Variants in GRIA3 observed in about 807,000 individuals in gnomAD.
The protein encoded by GRIA3 is glutamate ionotropic receptor AMPA type subunit 3, also known as glutamate receptor 3.
A neutral mutation model predicts 63.0 loss-of-function variants in GRIA3; 3 were observed. That is an observed-to-expected ratio of 0.05 (90% confidence interval 0.02 to 0.12). The LOEUF is 0.12. Among genes scored for constraint, GRIA3 ranks in the 10% least tolerant of loss-of-function variants. GRIA3 has a pLI of 1.00. For synonymous variants in GRIA3, 274 were observed against 257.9 expected, an observed-to-expected ratio of 1.06 and a Z score of -0.60; for missense variants, 347 against 700.9, an observed-to-expected ratio of 0.50 and a Z score of 5.70.
At chrX:123,336,670 A>G (rs915833521) in intron 4 of GRIA3, among the ~76,000 whole-genome samples, 12 of 111,105 alleles carry the variant, frequency 1.1e-4, no homozygotes, top group African/African-American at 3.6e-4. Context: ...CCACCACCCT[A>G]CTCTGAAAAA....
chrX:123,368,881 A>G (rs965759395), intron 5 of GRIA3, among the ~76,000 whole-genome samples: 7 of 111,837 alleles, frequency 6.3e-5, no homozygotes, highest in African/African-American at 2.3e-4. Context: ...TTCATATAAT[A>G]GCCATCTCTA....
chrX:123,230,399 G>T (rs779808213), intron 2 of GRIA3, among the ~76,000 whole-genome samples: 3 of 111,416 alleles, frequency 2.7e-5, no homozygotes, highest in South Asian at 3.8e-4. Flanking sequence ...AAGTGTTAAC[G>T]ATCACTAATA....
chrX:123,394,474 G>A (rs1422389018), intron 5 of GRIA3, among the ~76,000 whole-genome samples: 1 of 111,814 alleles, frequency 8.9e-6, no homozygotes, highest in East Asian at 2.8e-4. Flanking sequence ...CAACCAAGCT[G>A]TCAGTTTCAC....
At chrX:123,451,505 TAAAAAAAAAAAAAAAAA>T (rs56991039) in intron 12 of GRIA3, among the ~76,000 whole-genome samples, 9 of 16,185 alleles carry the variant, frequency 5.6e-4, no homozygotes, top group East Asian at 3.4e-3. Flanking sequence ...ACTCTGTCTC[TAAAAAAAAAAAAAAAAA>T]AAAAAAAAAA....
chrX:123,326,321 C>A, intron 4 of GRIA3, 108 bp downstream of exon 4: 26 of 490,401 alleles, frequency 5.3e-5, no homozygotes, highest in Middle Eastern at 5.6e-4. Flanking sequence ...AACGTGCCAA[C>A]AGTTTTTGAT....
intron 6 of GRIA3, 100 bp downstream of exon 6, chrX:123,395,229 C>T (rs1301708281): frequency 1.3e-6 from 1 of 763,363 alleles, no homozygotes; most frequent in African/African-American, 2.1e-5. Context: ...AAGTGATTTT[C>T]CTCAGAAGTG....
chrX:123,202,825 G>A lies in GRIA3; in HGVS notation c.268+16835G>A, dbSNP rs145542825. 801 of 1,100,361 alleles carry A rather than the reference G, an allele frequency of 7.3e-4. 4 individuals are homozygous for A. The African/African-American group carries it at 0.012, about 17-fold the overall frequency. 90.7% of individuals were successfully genotyped at this position (1,100,361 alleles called of 1,213,427 possible). A position where few individuals can be genotyped will look rare whatever the true frequency, so the allele number is the denominator to read the frequency against. ...GAAATCAGCAAGGTGGAAGGAAAGGGGAAAGAATCTTGTTCACCAATTCCT... is the reference window on the plus strand; with the variant it reads ...GAAATCAGCAAGGTGGAAGGAAAGGAGAAAGAATCTTGTTCACCAATTCCT... On this transcript the variant is annotated intron_variant, in intron 2 of 15. Transcript: ENST00000620443.
intron 5 of GRIA3, among the ~76,000 whole-genome samples, chrX:123,377,815 G>T (rs1240738426): frequency 1.8e-5 from 2 of 111,426 alleles, no homozygotes; most frequent in Non-Finnish European, 3.8e-5. Flanking sequence ...CTGTGTTATT[G>T]TCTTTATATT....
At chrX:123,372,485 T>A (rs757942089) in intron 5 of GRIA3, among the ~76,000 whole-genome samples, 51 of 112,371 alleles carry the variant, frequency 4.5e-4, no homozygotes, top group Non-Finnish European at 8.3e-4. Flanking sequence ...TGCAACAATA[T>A]TGATTCTTCC....
chrX:123,328,133 T>C (rs892158370), intron 4 of GRIA3, among the ~76,000 whole-genome samples: 3 of 111,738 alleles, frequency 2.7e-5, no homozygotes, highest in Non-Finnish European at 5.7e-5. Context: ...AGAAAAGTAG[T>C]GGGTAGAGCT....
intron 3 of GRIA3, among the ~76,000 whole-genome samples, chrX:123,265,134 C>G (rs1414681527): frequency 9.0e-6 from 1 of 111,421 alleles, no homozygotes; most frequent in Admixed American, 9.5e-5. Context: ...TTTAGAAGGG[C>G]AGCATGGACA....
intron 2 of GRIA3, among the ~76,000 whole-genome samples, chrX:123,193,593 G>C (rs2157293): frequency 0.27 from 29,570 of 110,757 alleles, 3,203 homozygotes; most frequent in Admixed American, 0.37. Flanking sequence ...GCCGAGAACT[G>C]CTCCAGGGAA....
chrX:123,438,667 C>T (rs890674360), intron 12 of GRIA3, among the ~76,000 whole-genome samples: 4 of 111,975 alleles, frequency 3.6e-5, no homozygotes, highest in Non-Finnish European at 3.8e-5. Flanking sequence ...GGATTACAGG[C>T]GCATGCCACC....
chrX:123,366,911 T>A (rs1229057786), intron 5 of GRIA3, among the ~76,000 whole-genome samples: 1 of 111,893 alleles, frequency 8.9e-6, no homozygotes, highest in Non-Finnish European at 1.9e-5. Flanking sequence ...TAATTTGTTT[T>A]ACAGACTCTA....
rs143873499 is a variant in GRIA3 at position 123,482,537 on chromosome X, C to T, written c.2440-262C>T. On this transcript the variant is annotated intron_variant, in intron 14 of 15. Coordinates refer to ENST00000620443, the MANE Select transcript of GRIA3 (RefSeq NM_007325.5). Reference sequence around the variant, plus strand: ...AAGTGCTGTTTTATTAATTGTTGAACACCATTTTGAGGCACTAAGGAACGT... The same window carrying T: ...AAGTGCTGTTTTATTAATTGTTGAATACCATTTTGAGGCACTAAGGAACGT... 4.0e-3 allele frequency among the ~76,000 whole-genome samples: 449 copies of T among 111,674 alleles called. No individual in the cohort carries two copies. The highest frequency in any genetic ancestry group is 6.1e-3 in the Non-Finnish European group (324 of 53,152).
At chrX:123,277,223 G>T (rs942596135) in intron 3 of GRIA3, among the ~76,000 whole-genome samples, 1 of 110,101 alleles carries the variant, frequency 9.1e-6, no homozygotes, top group African/African-American at 3.3e-5. Flanking sequence ...TGGAGAATGG[G>T]GCATCCATCC....
intron 2 of GRIA3, among the ~76,000 whole-genome samples, chrX:123,240,064 GC>G (rs936516048): frequency 3.6e-5 from 4 of 111,792 alleles, no homozygotes; most frequent in African/African-American, 1.3e-4. Context: ...GTTACAGAGG[GC>G]TTTGTTCTTA....
chrX:123,437,109 A>G (rs1409700798), intron 12 of GRIA3, among the ~76,000 whole-genome samples: 6 of 108,489 alleles, frequency 5.5e-5, no homozygotes, highest in Admixed American at 4.1e-4. Flanking sequence ...CCAAAAGCCT[A>G]CTAGATGATG....
intron 7 of GRIA3, among the ~76,000 whole-genome samples, chrX:123,400,381 C>T (rs765126024): frequency 8.9e-6 from 1 of 111,764 alleles, no homozygotes; most frequent in Non-Finnish European, 1.9e-5. Flanking sequence ...ATCTCTATTG[C>T]TCCAGAGAGG....
Sources: gnomAD v4.1 joint callset for allele counts (sites outside exome capture counted in the v4.1 genomes callset) on GRCh38, gnomAD v4.1.1 for gene constraint, MANE v1.5 for transcripts, NCBI Gene and HGNC (gene_info 2026-07-23, HGNC 2026-07-21) for gene names.